The following SETD2 variants were observed in gnomAD, a reference collection of about 807,000 sequenced individuals.
SETD2 encodes histone-lysine N-methyltransferase SETD2.
In SETD2, 31 loss-of-function variants were observed where a neutral mutation model predicts 242.1. The ratio of observed to expected loss-of-function variants is 0.13; its 90% CI spans 0.10 to 0.17. The LOEUF (loss-of-function observed/expected upper bound fraction) is 0.17. Ranked by LOEUF, SETD2 falls within the 10% of genes least tolerant of loss-of-function variation. SETD2 has a pLI of 1.00. For missense variants in SETD2, 2,481 were observed against 3,046.3 expected (o/e 0.81, Z 4.37); for synonymous variants, 1,006 against 1,066.5 (o/e 0.94, Z 1.11).
intron 11 of SETD2, among the ~76,000 whole-genome samples, chr3:47,084,618 G>A (rs2041470120): frequency 6.6e-6 from 1 of 151,884 alleles, no homozygotes; most frequent in Non-Finnish European, 1.5e-5. Flanking sequence ...TAGAGACAGG[G>A]TTTCACCATG....
At position 47,121,925 on chromosome 3, in the gene SETD2, G is replaced by A. The variant is rs1369910266; in HGVS notation, c.2711C>T (p.Thr904Ile). The stretch of plus-strand genomic sequence containing the variant: ...TAGCACTGCATCCAGAACTGGAGAT[G>A]TGTTCTCTCCGCATTTCAAGAGAGT... ...SLTLLKCGEN[T>I]SPVLDAVLKS... Residue 904 changes from threonine to isoleucine, a missense_variant, in exon 3 of 21, where the codon ACA becomes ATA. By Grantham distance (89) the Thr-to-Ile change is moderately conservative. Transcript: ENST00000409792. 1.2e-6 allele frequency: 2 copies of A among 1,613,682 alleles called. No individual in the cohort carries two copies. Among genetic ancestry groups the A allele is most frequent in the African/African-American group, 1.3e-5 (1 of 74,920 alleles).
intron 12 of SETD2, among the ~76,000 whole-genome samples, chr3:47,077,288 G>T (rs543612757): frequency 6.6e-6 from 1 of 152,040 alleles, no homozygotes; most frequent in African/African-American, 2.4e-5. Flanking sequence ...TCACCATGTT[G>T]GCCAGGCTGG....
intron 5 of SETD2, among the ~76,000 whole-genome samples, chr3:47,110,058 C>T (rs1378484295): frequency 6.6e-6 from 1 of 150,872 alleles, no homozygotes; most frequent in Non-Finnish European, 1.5e-5. Flanking sequence ...ATATCGTATA[C>T]CCATACAAGA....
At chr3:47,104,993 G>A (rs1039339028) in intron 6 of SETD2, among the ~76,000 whole-genome samples, 15 of 152,042 alleles carry the variant, frequency 9.9e-5, no homozygotes, top group Non-Finnish European at 2.1e-4. Context: ...GGCCTCCTTT[G>A]GCTTCAAATG....
intron 12 of SETD2, among the ~76,000 whole-genome samples, chr3:47,082,726 T>G (rs1290570940): frequency 1.3e-5 from 2 of 152,182 alleles, no homozygotes; most frequent in African/African-American, 4.8e-5. Context: ...AAGAAGGGTC[T>G]CAACACAGCA....
In SETD2 at chr3:47,017,015, G is replaced by A. The variant is rs2107483630; in HGVS notation, c.*78C>T. 1 of 1,410,626 alleles carries A rather than the reference G, an allele frequency of 7.1e-7. No individual in the cohort carries two copies. The highest frequency in any genetic ancestry group is 9.9e-7 in the Non-Finnish European group (1 of 1,006,044). 87.4% of individuals were successfully genotyped at this position (1,410,626 alleles called of 1,614,324 possible). A position where few individuals can be genotyped will look rare whatever the true frequency, so the allele number is the denominator to read the frequency against. On this transcript the variant is annotated 3_prime_UTR_variant, in exon 21 of 21. Transcript: ENST00000409792. This position sits in a 1 kb window ranked among gnomAD's most constrained non-coding sequence, Gnocchi z 4.8. ...AGTAGCACAGTGCTGACAGGGGTGG[G>A]ACAGAAAGGCCCACAGGATTTCCTC...
intron 18 of SETD2, among the ~76,000 whole-genome samples, chr3:47,031,883 A>C (rs1364967321): frequency 1.3e-5 from 2 of 152,240 alleles, no homozygotes; most frequent in African/African-American, 4.8e-5. Flanking sequence ...ATATAACAAT[A>C]CATATAACAA....
At chr3:47,155,213 A>T (rs962207116) in intron 1 of SETD2, among the ~76,000 whole-genome samples, 2 of 152,144 alleles carry the variant, frequency 1.3e-5, no homozygotes, top group Non-Finnish European at 2.9e-5. Context: ...TATAAATTAC[A>T]TATCAGGTAA....
At chr3:47,148,379 C>T (rs2043911807) in intron 1 of SETD2, among the ~76,000 whole-genome samples, 1 of 152,114 alleles carries the variant, frequency 6.6e-6, no homozygotes, top group Non-Finnish European at 1.5e-5. Context: ...GATCCGCCCA[C>T]CTCAGCCTCC....
At chr3:47,038,636 A>AC (rs2039133876) in intron 17 of SETD2, among the ~76,000 whole-genome samples, 1 of 152,036 alleles carries the variant, frequency 6.6e-6, no homozygotes, top group African/African-American at 2.4e-5. Flanking sequence ...CAAAAAAAAA[A>AC]ACAAAAACTT....
intron 1 of SETD2, among the ~76,000 whole-genome samples, chr3:47,141,403 A>G (rs557286627): frequency 2.0e-5 from 3 of 152,286 alleles, no homozygotes; most frequent in African/African-American, 7.2e-5. Context: ...ATTAAATGAG[A>G]ATACAAAAAC....
chr3:47,075,841 T>C (rs937716618), intron 12 of SETD2, among the ~76,000 whole-genome samples: 1 of 152,230 alleles, frequency 6.6e-6, no homozygotes, highest in Admixed American at 6.5e-5. Context: ...AATGTGCTTA[T>C]GAAAATATTT....
chr3:47,134,591 G>T (rs1250939204), intron 1 of SETD2, among the ~76,000 whole-genome samples: 1 of 151,890 alleles, frequency 6.6e-6, no homozygotes, highest in Admixed American at 6.6e-5. Context: ...ACATCAGAAC[G>T]TATCTCAGTA....
chr3:47,098,958 T>C (rs1450039562), intron 8 of SETD2, among the ~76,000 whole-genome samples: 1 of 152,062 alleles, frequency 6.6e-6, no homozygotes, highest in Non-Finnish European at 1.5e-5. Context: ...GAGAGGACAA[T>C]ACAAGCACAG....
intron 14 of SETD2, among the ~76,000 whole-genome samples, chr3:47,058,440 CAAAAAAAAAAA>C (rs1174283471): frequency 5.0e-4 from 11 of 21,976 alleles, no homozygotes; most frequent in African/African-American, 2.7e-3. Flanking sequence ...GACACCGTCT[CAAAAAAAAAAA>C]AAAAAAAAAA....
At chr3:47,067,024 AG>A in intron 13 of SETD2, 45 bp downstream of exon 13, 1 of 1,456,236 alleles carries the variant, frequency 6.9e-7, no homozygotes, top group Non-Finnish European at 9.6e-7. Context: ...ACATAACAAA[AG>A]AATATTTGTA....
chr3:47,107,520 T>C (rs545849316), intron 5 of SETD2, among the ~76,000 whole-genome samples: 2 of 152,234 alleles, frequency 1.3e-5, no homozygotes, highest in Admixed American at 6.5e-5. Flanking sequence ...ATAATAAAAA[T>C]CTGATTATTC....
At chr3:47,108,392 A>G (rs141584754) in intron 5 of SETD2, among the ~76,000 whole-genome samples, 150 of 152,306 alleles carry the variant, frequency 9.8e-4, no homozygotes, top group African/African-American at 3.4e-3. Flanking sequence ...GTCATCTGGC[A>G]TCGATATTAT....
chr3:47,095,095 T>C (rs1010915757), intron 9 of SETD2, among the ~76,000 whole-genome samples: 3 of 152,186 alleles, frequency 2.0e-5, no homozygotes. Context: ...ATGTGTTTAT[T>C]CTGTAAGTTT....
Sources: allele counts gnomAD v4.1 joint callset (sites outside exome capture counted in the v4.1 genomes callset), GRCh38; gene constraint gnomAD v4.1.1; non-coding constraint Gnocchi (gnomAD v3.1); transcripts MANE v1.5; gene names NCBI Gene and HGNC (gene_info 2026-07-23, HGNC 2026-07-21).